PRTFDC1: variants seen among roughly 807,000 people sequenced by gnomAD.
PRTFDC1 encodes phosphoribosyl transferase domain containing 1, also known as phosphoribosyltransferase domain-containing protein 1.
Under a neutral mutation model 34.6 loss-of-function variants are expected in PRTFDC1, and 38 were observed. That is an observed-to-expected ratio of 1.10 (90% CI 0.85 to 1.44). The LOEUF (loss-of-function observed/expected upper bound fraction) is 1.44. PRTFDC1 is among the 40% of genes most tolerant of loss of function. PRTFDC1 has a pLI of 0.00. For missense variants in PRTFDC1, 270 were observed against 283.0 expected (o/e 0.95, Z 0.33); for synonymous variants, 93 against 98.1 (o/e 0.95, Z 0.31).
At chr10:24,872,150 C>T in intron 3 of PRTFDC1, 87 bp from the exon 4 acceptor site, 1 of 1,122,160 alleles carries the variant, frequency 8.9e-7, no homozygotes, top group Non-Finnish European at 1.3e-6. Context: ...CAGTTAGTGG[C>T]CGGAATGTGC....
chr10:24,853,556 C>G (rs1371760713), intron 7 of PRTFDC1, among the ~76,000 whole-genome samples: 1 of 151,976 alleles, frequency 6.6e-6, no homozygotes, highest in African/African-American at 2.4e-5. Context: ...TGCAGTGAGC[C>G]AAGATCACGC....
chr10:24,920,286 T>C (rs1428198889), intron 3 of PRTFDC1, among the ~76,000 whole-genome samples: 3 of 151,236 alleles, frequency 2.0e-5, no homozygotes, highest in African/African-American at 7.4e-5. Flanking sequence ...TGTATATATA[T>C]ATGAGTGTGT....
Position 24,904,261 on chromosome 10 carries a change from T to TACAC in PRTFDC1, c.340-32202_340-32199dup, listed in dbSNP as rs10585982. On this transcript the variant is annotated intron_variant, in intron 3 of 8. Transcript: ENST00000320152. ...AGATTCTCTTTCATCTAAAATGTAA[T>TACAC]ACACACACACACACACACACACACA... is the stretch of plus-strand genomic sequence containing the variant. 1.3e-3 allele frequency among the ~76,000 whole-genome samples: 188 copies of TACAC among 148,274 alleles called. 2 individuals are homozygous for TACAC. Among genetic ancestry groups the TACAC allele is most frequent in the African/African-American group, 3.4e-3 (137 of 40,186 alleles).
rs927714058 is a variant in PRTFDC1, at chr10:24,855,382, A to G, written c.507-18T>C. ...CCAACAAACTACCATTAAAAAAGAC[A>G]TGCTTTAGTGAACCCAATCAAATCT... On this transcript the variant is annotated intron_variant, in intron 6 of 8. Coordinates refer to ENST00000320152, the MANE Select transcript of PRTFDC1 (RefSeq NM_020200.7). 1.2e-6 allele frequency: 2 copies of G among 1,613,724 alleles called. No homozygotes were observed. Among genetic ancestry groups the G allele is most frequent in the Non-Finnish European group, 1.7e-6 (2 of 1,179,802 alleles).
At chr10:24,882,293 C>T (rs937814815) in intron 3 of PRTFDC1, among the ~76,000 whole-genome samples, 19 of 152,004 alleles carry the variant, frequency 1.2e-4, no homozygotes, top group African/African-American at 4.1e-4. Context: ...CCCTGGCTTC[C>T]TCTGCATGGG....
intron 3 of PRTFDC1, among the ~76,000 whole-genome samples, chr10:24,884,160 TA>T (rs72415102): frequency 1.6e-3 from 229 of 146,368 alleles, no homozygotes; most frequent in African/African-American, 4.2e-3. Context: ...CACAATTGTT[TA>T]AAAAAAAAAA....
intron 2 of PRTFDC1, 34 bp downstream of exon 2, chr10:24,942,296 C>T: frequency 6.5e-7 from 1 of 1,546,074 alleles, no homozygotes; most frequent in Non-Finnish European, 8.9e-7. Flanking sequence ...CGGCCCAGTG[C>T]AGGACCAAGA....
chr10:24,856,876 A>G (rs774623826), intron 6 of PRTFDC1, 37 bp downstream of exon 6: 121 of 1,548,736 alleles, frequency 7.8e-5, no homozygotes, highest in Non-Finnish European at 1.0e-4. Flanking sequence ...CTTGCTTGGA[A>G]AACTAGAAAT....
At chr10:24,908,343 A>G (rs1848569498) in intron 3 of PRTFDC1, 1 of 889,704 alleles carries the variant, frequency 1.1e-6, no homozygotes, top group Non-Finnish European at 1.6e-6. Context: ...GTTTCTTTAC[A>G]TATTTTGATA....
At position 24,942,311 on chromosome 10, in the gene PRTFDC1, C is replaced by T; in HGVS notation, c.155+19G>A. ...CGGCCCAGTGCAGGACCAAGATTGA[C>T]ACAGGAAATCACACTCACCTGTCCA... On this transcript the variant is annotated intron_variant, in intron 2 of 8. Transcript: ENST00000320152. 6.3e-7 allele frequency: 1 copy of T among 1,581,308 alleles called. No homozygotes were observed. The highest frequency in any genetic ancestry group is 1.1e-5 in the South Asian group (1 of 90,366).
intron 4 of PRTFDC1, 134 bp downstream of exon 4, chr10:24,871,864 G>T (rs1847873959): frequency 2.9e-6 from 2 of 682,268 alleles, no homozygotes; most frequent in African/African-American, 1.8e-5. Flanking sequence ...TCATTAAAAG[G>T]ATTCACGCAG....
At chr10:24,934,702 A>G (rs1379897795) in intron 3 of PRTFDC1, among the ~76,000 whole-genome samples, 2 of 152,144 alleles carry the variant, frequency 1.3e-5, no homozygotes, top group African/African-American at 4.8e-5. Flanking sequence ...ACATTTCCAG[A>G]CCGAACCAAC....
chr10:24,876,184 A>G (rs1025932076), intron 3 of PRTFDC1, among the ~76,000 whole-genome samples: 3 of 151,230 alleles, frequency 2.0e-5, no homozygotes, highest in African/African-American at 7.3e-5. Context: ...GTTTGAGACC[A>G]GCCTGAGCAA....
chr10:24,864,874 G>A lies in PRTFDC1; in HGVS notation c.406-6465C>T, dbSNP rs181950125. The stretch of plus-strand genomic sequence containing the variant: ...CTCACACCTGTAATCCCAGCACTTT[G>A]GGAAGCCAAGACAGGCAGATTGCTT... On this transcript the variant is annotated intron_variant, in intron 4 of 8. Transcript: ENST00000320152. Among the ~76,000 whole-genome samples the A allele has an allele frequency of 5.3e-4, 80 of 152,206 alleles. 1 individual carries two copies. In the East Asian group the frequency reaches 0.014, roughly 27 times the overall value.
At chr10:24,905,059 C>A (rs111368403) in intron 3 of PRTFDC1, among the ~76,000 whole-genome samples, 8 of 151,984 alleles carry the variant, frequency 5.3e-5, no homozygotes, top group Admixed American at 3.3e-4. Flanking sequence ...GTAATCCCAG[C>A]ACTTTGGAAG....
intron 3 of PRTFDC1, among the ~76,000 whole-genome samples, chr10:24,929,605 T>C (rs976125991): frequency 1.3e-5 from 2 of 152,206 alleles, no homozygotes; most frequent in African/African-American, 4.8e-5. Flanking sequence ...TTGTATTTTG[T>C]ACAGAGGTTA....
At chr10:24,887,957 C>T (rs575512804) in intron 3 of PRTFDC1, among the ~76,000 whole-genome samples, 22 of 152,262 alleles carry the variant, frequency 1.4e-4, no homozygotes, top group African/African-American at 4.8e-4. Context: ...GACAGGGTCT[C>T]ACTATATTGC....
At chr10:24,898,705 G>C (rs1471559166) in intron 3 of PRTFDC1, among the ~76,000 whole-genome samples, 1 of 152,040 alleles carries the variant, frequency 6.6e-6, no homozygotes, top group Admixed American at 6.6e-5. Flanking sequence ...AGACTTGATT[G>C]GTCTGGCTTG....
intron 3 of PRTFDC1, among the ~76,000 whole-genome samples, chr10:24,883,414 A>T (rs184084453): frequency 2.6e-5 from 4 of 152,226 alleles, no homozygotes; most frequent in African/African-American, 4.8e-5. Context: ...GTGGGTCAGA[A>T]GGAGGGACAC....
Sources: allele counts gnomAD v4.1 joint callset (sites outside exome capture counted in the v4.1 genomes callset), GRCh38; gene constraint gnomAD v4.1.1; transcripts MANE v1.5; gene names NCBI Gene and HGNC (gene_info 2026-07-23, HGNC 2026-07-21).